Variants in BMP1 observed in about 807,000 individuals in gnomAD.
BMP1 encodes the protein mammalian tolloid protein.
BMP1 carries 63 observed loss-of-function variants against 116.8 expected under a neutral mutation model. The ratio of observed to expected loss-of-function variants is 0.54; its 90% CI spans 0.44 to 0.67. BMP1 has a LOEUF of 0.67. Ranked by LOEUF, BMP1 falls within the 30% of genes least tolerant of loss-of-function variation. BMP1 has a pLI of 0.00. For synonymous variants in BMP1, 536 were observed against 533.4 expected (o/e 1.00, Z -0.07); for missense variants, 1,183 against 1,358.9 (o/e 0.87, Z 2.04).
In BMP1 at chr8:22,212,172, C is replaced by T. The variant is rs73670384; in HGVS notation, c.*444C>T. The T allele has an allele frequency of 0.018, 3,226 of 179,808 alleles. 105 individuals are homozygous for T. The highest frequency in any genetic ancestry group is 0.068 in the African/African-American group (2,919 of 43,166). The allele number at this position is 179,808 out of a possible 1,614,324, so 11.1% of individuals were successfully genotyped here. ...AGCCCCCATTCCACCACCCCAGTTT[C>T]CTGGGGCACAAGTGTCTGTGCATGT... is the stretch of plus-strand genomic sequence containing the variant. On this transcript the variant is annotated 3_prime_UTR_variant, in exon 20 of 20. Transcript: ENST00000306385.
At chr8:22,184,864 T>A (rs904472006) in intron 8 of BMP1, among the ~76,000 whole-genome samples, 1 of 152,230 alleles carries the variant, frequency 6.6e-6, no homozygotes, top group African/African-American at 2.4e-5. Flanking sequence ...AAACCTGAAA[T>A]AATGCCGCCT....
At chr8:22,173,802 C>A (rs775859206) in intron 2 of BMP1, 87 bp downstream of exon 2, 225 of 1,096,382 alleles carry the variant, frequency 2.1e-4, no homozygotes, top group Non-Finnish European at 2.9e-4. Context: ...CCCAGCCAGG[C>A]CCTCCCAGGA....
intron 15 of BMP1, among the ~76,000 whole-genome samples, chr8:22,199,556 G>A (rs1402349864): frequency 1.3e-5 from 2 of 151,978 alleles, no homozygotes; most frequent in Non-Finnish European, 2.9e-5. Flanking sequence ...ATTCACTTAC[G>A]CGTTCACTCG....
At position 22,188,182 on chromosome 8, in the gene BMP1, T is replaced by G. The variant is rs536611177; in HGVS notation, c.1078-3867T>G. Among the ~76,000 whole-genome samples, 20 of 149,768 alleles carry G rather than the reference T, an allele frequency of 1.3e-4. No individual in the cohort carries two copies. In the East Asian group the frequency reaches 2.9e-3, roughly 22 times the overall value. ...ATGATCATTTCCAGTTTTGGGTTTT[T>G]TTTTTTTTTTTTTTTTCTGAGACAG... On this transcript the variant is annotated intron_variant, in intron 8 of 19. Transcript: ENST00000306385.
At chr8:22,187,373 C>T (rs1206260329) in intron 8 of BMP1, among the ~76,000 whole-genome samples, 1 of 151,300 alleles carries the variant, frequency 6.6e-6, no homozygotes, top group African/African-American at 2.4e-5. Context: ...GCTCTGTTGC[C>T]CAGGCTGGAG....
intron 8 of BMP1, among the ~76,000 whole-genome samples, chr8:22,190,366 C>A (rs781074104): frequency 1.3e-5 from 2 of 152,154 alleles, no homozygotes; most frequent in Non-Finnish European, 2.9e-5. Context: ...GGCTGTGGAG[C>A]TAAGCTGGGT....
chr8:22,203,321 C>G (rs1330412587), intron 16 of BMP1, among the ~76,000 whole-genome samples: 1 of 152,136 alleles, frequency 6.6e-6, no homozygotes, highest in Admixed American at 6.5e-5. Context: ...TTTGGGAGGC[C>G]AAGGCGATCG....
intron 7 of BMP1, among the ~76,000 whole-genome samples, 196 bp downstream of exon 7, chr8:22,180,025 G>T (rs928484462): frequency 3.3e-5 from 5 of 152,232 alleles, no homozygotes; most frequent in Non-Finnish European, 5.9e-5. Flanking sequence ...GTGGTCAGAA[G>T]CCGAGCCGCC....
chr8:22,201,390 C>T (rs565901285), intron 15 of BMP1: 65 of 1,457,098 alleles, frequency 4.5e-5, no homozygotes, highest in Middle Eastern at 2.6e-4. Flanking sequence ...GACCCTTCCC[C>T]GTGCCCTACC....
intron 8 of BMP1, 110 bp from the exon 9 acceptor site, chr8:22,191,939 G>A (rs1366416855): frequency 1.5e-5 from 14 of 950,814 alleles, no homozygotes; most frequent in Non-Finnish European, 1.8e-5. Flanking sequence ...CTTAACTCTC[G>A]CCCAGGGGGA....
chr8:22,177,850 A>G lies in BMP1; in HGVS notation c.731-2A>G, dbSNP rs769840406. On this transcript the variant is annotated splice_acceptor_variant, in intron 5 of 19. Coordinates refer to ENST00000306385, the MANE Select transcript of BMP1 (RefSeq NM_006129.5). LOFTEE classifies it high-confidence loss of function. ...CCCACACCCTTTTCCTGATCTTGGC[A>G]GGGCAGGAGTATAACTTCCTGAAGA... The G allele has an allele frequency of 6.2e-7, 1 of 1,602,146 alleles. No individual in the cohort carries two copies. Among genetic ancestry groups the G allele is most frequent in the South Asian group, 1.1e-5 (1 of 90,380 alleles).
chr8:22,199,487 C>T, intron 15 of BMP1: 1 of 1,114,274 alleles, frequency 9.0e-7, no homozygotes, highest in Non-Finnish European at 1.1e-6. Flanking sequence ...CCCACTCCTG[C>T]CCCGGACACT....
chr8:22,177,620 T>C (rs1447534360), intron 5 of BMP1: 7 of 758,858 alleles, frequency 9.2e-6, no homozygotes, highest in African/African-American at 1.7e-5. Flanking sequence ...AAATGGTGCT[T>C]CCTTCCCATG....
At chr8:22,197,174 C>A in intron 14 of BMP1, 66 bp from the exon 15 acceptor site, 3 of 1,559,786 alleles carry the variant, frequency 1.9e-6, no homozygotes, top group African/African-American at 1.4e-5. Context: ...GAGAGCTTCC[C>A]GAGGGCAGGA....
At chr8:22,180,549 C>T (rs1828589579) in intron 8 of BMP1, 66 bp downstream of exon 8, 7 of 1,445,668 alleles carry the variant, frequency 4.8e-6, no homozygotes, top group Non-Finnish European at 6.7e-6. Context: ...AGGGACTTCT[C>T]CCACAGTGGG....
At chr8:22,199,614 T>G (rs940632569) in intron 15 of BMP1, among the ~76,000 whole-genome samples, 1 of 152,224 alleles carries the variant, frequency 6.6e-6, no homozygotes, top group African/African-American at 2.4e-5. Context: ...GGCACTGGAC[T>G]AGGTTTCTAG....
chr8:22,186,971 T>C (rs1314549157), intron 8 of BMP1, among the ~76,000 whole-genome samples: 2 of 152,272 alleles, frequency 1.3e-5, no homozygotes, highest in East Asian at 1.9e-4. Context: ...CTGCTATCTT[T>C]CCTATATTCC....
Position 22,176,588 on chromosome 8 carries a change from T to C in BMP1, c.489T>C (p.Cys163=). The part of the protein sequence containing the change: ...QAMRHWEKHT[C]VTFLERTDED... Reference sequence around the variant, plus strand: ...TGAGGCACTGGGAGAAGCACACCTGTGTCACCTTCCTGGAGCGCACTGACG... The same window carrying C: ...TGAGGCACTGGGAGAAGCACACCTGCGTCACCTTCCTGGAGCGCACTGACG... Residue 163 remains cysteine (C), a synonymous_variant, in exon 4 of 20, where the codon TGT becomes TGC. Transcript: ENST00000306385. The C allele has an allele frequency of 1.9e-6, 3 of 1,614,204 alleles. No homozygotes were observed. Among genetic ancestry groups the C allele is most frequent in the Non-Finnish European group, 2.5e-6 (3 of 1,180,018 alleles).
At chr8:22,206,112 A>G (rs1235739783) in intron 16 of BMP1, among the ~76,000 whole-genome samples, 1 of 152,178 alleles carries the variant, frequency 6.6e-6, no homozygotes, top group African/African-American at 2.4e-5. Flanking sequence ...CACGCCTGTA[A>G]TCCCAGCACT....
Sources: gnomAD v4.1 joint callset for allele counts (sites outside exome capture counted in the v4.1 genomes callset) on GRCh38, gnomAD v4.1.1 for gene constraint, MANE v1.5 for transcripts, NCBI Gene and HGNC (gene_info 2026-07-23, HGNC 2026-07-21) for gene names.